CPQ: variants seen among roughly 807,000 people sequenced by gnomAD.
CPQ encodes Ser-Met dipeptidase.
Under a neutral mutation model 45.7 loss-of-function variants are expected in CPQ, and 37 were observed. The observed-to-expected ratio is 0.81, with a 90% confidence interval of 0.62 to 1.07. The LOEUF (loss-of-function observed/expected upper bound fraction) is 1.07. Among genes scored for constraint, CPQ ranks in the 50% least tolerant of loss-of-function variants. The probability of loss-of-function intolerance (pLI) is 0.00; values close to 1 mark genes in which losing one functional copy is unlikely to be tolerated. For missense variants in CPQ, 537 were observed against 572.9 expected (o/e 0.94, Z 0.64); for synonymous variants, 186 against 205.8 (o/e 0.90, Z 0.82).
chr8:97,041,045 A>T (rs1810113365), intron 6 of CPQ, among the ~76,000 whole-genome samples: 1 of 152,118 alleles, frequency 6.6e-6, no homozygotes, highest in Admixed American at 6.6e-5. Flanking sequence ...CTTGATGGGG[A>T]TGGCATTGAA....
At chr8:96,999,357 A>T (rs1226099873) in intron 5 of CPQ, among the ~76,000 whole-genome samples, 1 of 151,572 alleles carries the variant, frequency 6.6e-6, no homozygotes, top group African/African-American at 2.4e-5. Flanking sequence ...CCTAGAACCC[A>T]TTAGTTATTT....
intron 6 of CPQ, among the ~76,000 whole-genome samples, chr8:97,045,336 C>T (rs369785735): frequency 5.9e-5 from 9 of 152,172 alleles, no homozygotes; most frequent in Non-Finnish European, 1.3e-4. Context: ...TTAAGCCCGT[C>T]GGAAAAGCGC....
chr8:96,878,689 C>T (rs765371202), intron 3 of CPQ, among the ~76,000 whole-genome samples: 5 of 152,140 alleles, frequency 3.3e-5, no homozygotes, highest in Non-Finnish European at 7.3e-5. Context: ...GATAAGAATG[C>T]ATCATTGTGT....
At chr8:96,649,009 C>CCT (rs1815548760) in intron 1 of CPQ, among the ~76,000 whole-genome samples, 1 of 152,146 alleles carries the variant, frequency 6.6e-6, no homozygotes, top group Non-Finnish European at 1.5e-5. Context: ...TGAGGCAAGG[C>CCT]CTCTCTCTGT....
intron 7 of CPQ, among the ~76,000 whole-genome samples, chr8:97,116,626 T>C (rs1811598835): frequency 6.6e-6 from 1 of 152,122 alleles, no homozygotes; most frequent in Non-Finnish European, 1.5e-5. Context: ...TCTTTTAACT[T>C]TCTGCAAGGC....
intron 1 of CPQ, among the ~76,000 whole-genome samples, chr8:96,758,282 A>T (rs185519450): frequency 6.6e-6 from 1 of 152,182 alleles, no homozygotes; most frequent in Non-Finnish European, 1.5e-5. Flanking sequence ...GCTGCTCACT[A>T]TATTTCTCAC....
chr8:96,936,155 C>T (rs546201140), intron 4 of CPQ, among the ~76,000 whole-genome samples: 1 of 152,166 alleles, frequency 6.6e-6, no homozygotes, highest in African/African-American at 2.4e-5. Flanking sequence ...ATTCCCTCAC[C>T]CAGATGCAGT....
chr8:96,910,947 A>T (rs142285137), intron 4 of CPQ, among the ~76,000 whole-genome samples: 65 of 152,082 alleles, frequency 4.3e-4, no homozygotes, highest in Non-Finnish European at 8.4e-4. Context: ...TTCACTCTAT[A>T]CTAGATGGAC....
chr8:96,786,001 A>C (rs1489366413), intron 2 of CPQ, among the ~76,000 whole-genome samples: 1 of 152,168 alleles, frequency 6.6e-6, no homozygotes, highest in East Asian at 1.9e-4. Flanking sequence ...AGTGAAGTAC[A>C]TTGTCAGTTT....
At chr8:96,914,308 G>T (rs1285272670) in intron 4 of CPQ, among the ~76,000 whole-genome samples, 1 of 152,158 alleles carries the variant, frequency 6.6e-6, no homozygotes, top group African/African-American at 2.4e-5. Context: ...TTCATTCCTT[G>T]AATGCCTCCA....
At chr8:96,873,494 G>C (rs192986463) in intron 3 of CPQ, among the ~76,000 whole-genome samples, 50 of 151,280 alleles carry the variant, frequency 3.3e-4, no homozygotes, top group African/African-American at 1.2e-3. Flanking sequence ...TACTCTTAAG[G>C]TGCTAAATTA....
chr8:96,963,955 A>C (rs1470978410), intron 4 of CPQ, among the ~76,000 whole-genome samples: 3 of 151,998 alleles, frequency 2.0e-5, no homozygotes, highest in Admixed American at 2.0e-4. Flanking sequence ...CATTATGTTT[A>C]TGAGACTCAT....
intron 1 of CPQ, among the ~76,000 whole-genome samples, chr8:96,686,692 G>A (rs1305065299): frequency 6.6e-6 from 1 of 151,514 alleles, no homozygotes; most frequent in Non-Finnish European, 1.5e-5. Flanking sequence ...GGATTTATAT[G>A]TTATAAATAT....
rs186463055 is a variant in CPQ at position 97,009,652 on chromosome 8, T to C, written c.962-19751T>C. ...TGGAAATGAGTCTTAAGCATGTCTA[T>C]AGTATAGCTATATCATCCACATCTT... On this transcript the variant is annotated intron_variant, in intron 5 of 7. Coordinates refer to ENST00000220763, the MANE Select transcript of CPQ (RefSeq NM_016134.4). Among the ~76,000 whole-genome samples the C allele has an allele frequency of 1.9e-3, 291 of 152,356 alleles. 1 individual carries two copies. Among genetic ancestry groups the C allele is most frequent in the Middle Eastern group, 0.01 (3 of 294 alleles).
intron 1 of CPQ, among the ~76,000 whole-genome samples, chr8:96,754,851 T>C (rs1810310748): frequency 6.6e-6 from 1 of 152,006 alleles, no homozygotes; most frequent in Admixed American, 6.6e-5. Flanking sequence ...CCCCTTTTTC[T>C]TATTCTGTAT....
At chr8:97,070,351 C>CT (rs1810718827) in intron 7 of CPQ, among the ~76,000 whole-genome samples, 1 of 152,152 alleles carries the variant, frequency 6.6e-6, no homozygotes, top group Non-Finnish European at 1.5e-5. Flanking sequence ...ACACTAGGGG[C>CT]TTATGTGCAT....
chr8:97,035,607 C>T (rs1425670249), intron 6 of CPQ, among the ~76,000 whole-genome samples: 1 of 152,156 alleles, frequency 6.6e-6, no homozygotes, highest in Admixed American at 6.5e-5. Context: ...TGAAGAGTTA[C>T]AAGAAAAATC....
intron 7 of CPQ, among the ~76,000 whole-genome samples, chr8:97,073,165 C>A (rs1810781743): frequency 6.6e-6 from 1 of 152,160 alleles, no homozygotes; most frequent in Non-Finnish European, 1.5e-5. Context: ...ACCAAATACA[C>A]AGATTACTCA....
At chr8:97,099,730 T>C (rs986952865) in intron 7 of CPQ, among the ~76,000 whole-genome samples, 1 of 152,190 alleles carries the variant, frequency 6.6e-6, no homozygotes, top group South Asian at 2.1e-4. Flanking sequence ...GCTGGGACTT[T>C]CTGGTCATGT....
Sources: allele counts gnomAD v4.1 joint callset (sites outside exome capture counted in the v4.1 genomes callset), GRCh38; gene constraint gnomAD v4.1.1; transcripts MANE v1.5; gene names NCBI Gene and HGNC (gene_info 2026-07-23, HGNC 2026-07-21).